Variants in KNTC1 observed in about 807,000 individuals in gnomAD.
The protein encoded by KNTC1 is kinetochore-associated protein 1.
Under a neutral mutation model 314.4 loss-of-function variants are expected in KNTC1, and 253 were observed. That is an observed-to-expected ratio of 0.80 (90% CI 0.73 to 0.89). The LOEUF (loss-of-function observed/expected upper bound fraction) is 0.89. Ranked by LOEUF, KNTC1 falls within the 40% of genes least tolerant of loss-of-function variation. KNTC1 has a pLI of 0.00. For synonymous variants in KNTC1, 901 were observed against 901.4 expected (o/e 1.00, Z 0.01); for missense variants, 2,475 against 2,572.9 (o/e 0.96, Z 0.82).
chr12:122,562,919 G>A (rs1474543535), intron 20 of KNTC1, among the ~76,000 whole-genome samples: 2 of 151,904 alleles, frequency 1.3e-5, no homozygotes, highest in Admixed American at 1.3e-4. Flanking sequence ...TGAGACAGGA[G>A]AGTCACTTGA....
chr12:122,528,539 T>C (rs1444325341), intron 1 of KNTC1, among the ~76,000 whole-genome samples: 1 of 152,124 alleles, frequency 6.6e-6, no homozygotes, highest in Non-Finnish European at 1.5e-5. Flanking sequence ...AGTGAGACCC[T>C]CGTCTCTCAA....
chr12:122,591,056 A>T (rs1870118225), intron 41 of KNTC1, among the ~76,000 whole-genome samples: 1 of 152,148 alleles, frequency 6.6e-6, no homozygotes, highest in Admixed American at 6.6e-5. Flanking sequence ...TTTAACAGAT[A>T]GAAAATTTCT....
At chr12:122,547,998 C>T (rs1962917316) in intron 12 of KNTC1, 29 bp downstream of exon 12, 19 of 1,421,402 alleles carry the variant, frequency 1.3e-5, no homozygotes, top group Non-Finnish European at 1.7e-5. Flanking sequence ...TTGTGCTTGC[C>T]TATATTATGT....
intron 31 of KNTC1, among the ~76,000 whole-genome samples, chr12:122,579,025 C>CTTTTTTTTTTTTTT (rs74421837): frequency 1.3e-5 from 1 of 75,210 alleles, no homozygotes; most frequent in Non-Finnish European, 2.6e-5. Context: ...AGTCTGTATT[C>CTTTTTTTTTTTTTT]TTTTTTTTTT....
intron 2 of KNTC1, among the ~76,000 whole-genome samples, chr12:122,532,429 G>A (rs905353536): frequency 2.6e-5 from 4 of 151,828 alleles, no homozygotes; most frequent in South Asian, 4.2e-4. Flanking sequence ...GGATGGTCTC[G>A]ATCTCTTGAC....
intron 55 of KNTC1, among the ~76,000 whole-genome samples, 162 bp downstream of exon 55, chr12:122,613,923 C>T (rs1873467998): frequency 6.6e-6 from 1 of 152,106 alleles, no homozygotes; most frequent in Non-Finnish European, 1.5e-5. Context: ...TCACTGCAAC[C>T]TCCATCTCCC....
rs1010782630 is a variant in KNTC1 at position 122,534,682 on chromosome 12, A to T, written c.148A>T (p.Ile50Leu). Residue 50 changes from isoleucine (I) to leucine (L), a missense_variant, in exon 3 of 64, where the codon ATA becomes TTA. Transcript: ENST00000333479. The stretch of plus-strand genomic sequence containing the variant: ...CCCACAGGCCTCATTAAATCCAAAG[A>T]TACAGGCATGCAGCTTAAGTGATGG... ...SSEKASLNPKIQACSLSDGFI... is the reference protein window; with the variant it reads ...SSEKASLNPKLQACSLSDGFI... The T allele has an allele frequency of 3.7e-6, 6 of 1,609,386 alleles. No individual in the cohort carries two copies. The highest frequency in any genetic ancestry group is 1.7e-5 in the Admixed American group (1 of 59,340).
At chr12:122,557,258 A>G in intron 16 of KNTC1, 126 bp from the exon 17 acceptor site, 1 of 834,388 alleles carries the variant, frequency 1.2e-6, no homozygotes, top group Non-Finnish European at 1.9e-6. Flanking sequence ...TTTAAATCTC[A>G]TTCCTGGAGC....
chr12:122,609,639 T>A (rs1872908935), intron 52 of KNTC1, among the ~76,000 whole-genome samples: 1 of 152,010 alleles, frequency 6.6e-6, no homozygotes, highest in African/African-American at 2.4e-5. Flanking sequence ...TCTGAACTCC[T>A]GCGAGGGCGA....
intron 57 of KNTC1, chr12:122,617,525 G>GACTGCAAAT: frequency 3.9e-6 from 1 of 257,752 alleles, no homozygotes; most frequent in Non-Finnish European, 8.1e-6. Flanking sequence ...CGCCTGGCCA[G>GACTGCAAAT]TGTTCTTTCC....
chr12:122,552,038 G>C (rs1472148070), intron 16 of KNTC1, among the ~76,000 whole-genome samples: 1 of 152,152 alleles, frequency 6.6e-6, no homozygotes, highest in African/African-American at 2.4e-5. Flanking sequence ...CTACCGAGTA[G>C]CTGGGATTAT....
In KNTC1 at chr12:122,572,974, G is replaced by T; in HGVS notation, c.2057G>T (p.Arg686Met). The change falls in exon 25 of 64, where the codon AGG (arginine) becomes ATG (methionine). Residue 686 changes from arginine to methionine, a missense_variant. Transcript: ENST00000333479. The stretch of plus-strand genomic sequence containing the variant: ...AACACAGAGGAAGTATGTCAGCTAA[G>T]GACTTTGGTAAATAACTTGCGAGAG... Reference protein sequence around the residue: ...YQNTEEVCQLRTLVNNLRELI... With the variant: ...YQNTEEVCQLMTLVNNLRELI... 1 of 1,603,048 alleles carries T rather than the reference G, an allele frequency of 6.2e-7. No individual in the cohort carries two copies. The highest frequency in any genetic ancestry group is 1.1e-5 in the South Asian group (1 of 89,656).
At chr12:122,600,846 G>C (rs1055511316) in intron 44 of KNTC1, among the ~76,000 whole-genome samples, 1 of 150,982 alleles carries the variant, frequency 6.6e-6, no homozygotes, top group Non-Finnish European at 1.5e-5. Flanking sequence ...TTGTATTTTT[G>C]GTAGAGATGG....
chr12:122,568,337 C>T lies in KNTC1; in HGVS notation c.1681C>T (p.Leu561Phe), dbSNP rs2137893566. ...DIFLQLKEGN[L>F]VCAQYLWLRH... ...TTTTTTACAGCTAAAAGAAGGAAAC[C>T]TTGTTTGTGCACAGTATCTTTGGCT... The change falls in exon 21 of 64, where the codon CTT becomes TTT. Residue 561 changes from leucine (L) to phenylalanine (F), a missense_variant. Physicochemically the swap from Leu to Phe is conservative, Grantham distance 22. Transcript: ENST00000333479. The T allele has an allele frequency of 1.2e-6, 2 of 1,600,158 alleles. No homozygotes were observed. Among genetic ancestry groups the T allele is most frequent in the Non-Finnish European group, 1.7e-6 (2 of 1,169,170 alleles).
At chr12:122,593,725 C>CTCCTGA (rs1307412945) in intron 42 of KNTC1, 12 of 153,186 alleles carry the variant, frequency 7.8e-5, no homozygotes, top group African/African-American at 2.9e-4. Context: ...CCAGCTTAGC[C>CTCCTGA]TCCTGAGTAG....
chr12:122,548,234 G>T (rs1430967712), intron 12 of KNTC1, among the ~76,000 whole-genome samples: 1 of 151,952 alleles, frequency 6.6e-6, no homozygotes, highest in African/African-American at 2.4e-5. Context: ...TTTGAGATGG[G>T]ATCTTACCCT....
In KNTC1 at chr12:122,618,576, A is replaced by G. The variant is rs1401812755; in HGVS notation, c.6149+31A>G. 3 of 1,573,682 alleles carry G rather than the reference A, an allele frequency of 1.9e-6. No homozygotes were observed. The African/African-American group carries it at 4.1e-5, about 21-fold the overall frequency. On this transcript the variant is annotated intron_variant, in intron 59 of 63. Coordinates refer to ENST00000333479, the MANE Select transcript of KNTC1 (RefSeq NM_014708.6). ...CAAAATATTTGTTCTACCAAAAAAA[A>G]AAAAAGTTTGTTGCTTATAAGATTC...
chr12:122,625,248 C>A (rs1354149300), intron 63 of KNTC1, among the ~76,000 whole-genome samples: 1 of 151,952 alleles, frequency 6.6e-6, no homozygotes, highest in Admixed American at 6.6e-5. Context: ...ACTAAAAATA[C>A]AAAAATTAGC....
At chr12:122,591,270 G>C (rs961726659) in intron 41 of KNTC1, 67 bp from the exon 42 acceptor site, 3 of 820,456 alleles carry the variant, frequency 3.7e-6, no homozygotes, top group African/African-American at 1.7e-5. Flanking sequence ...GTTGCGTTTC[G>C]TCTAAAAGGT....
Sources: gnomAD v4.1 joint callset for allele counts (sites outside exome capture counted in the v4.1 genomes callset) on GRCh38, gnomAD v4.1.1 for gene constraint, MANE v1.5 for transcripts, NCBI Gene and HGNC (gene_info 2026-07-23, HGNC 2026-07-21) for gene names.